DET1: variants seen among roughly 807,000 people sequenced by gnomAD.
DET1 encodes DET1 homolog.
DET1 carries 22 observed loss-of-function variants against 43.7 expected under a neutral mutation model. The ratio of observed to expected loss-of-function variants is 0.50; its 90% CI spans 0.36 to 0.72. The LOEUF (loss-of-function observed/expected upper bound fraction) is 0.72, where lower values mean the gene tolerates loss of function less well. Among genes scored for constraint, DET1 ranks in the 30% least tolerant of loss-of-function variants. The pLI is 0.00. For missense variants in DET1, 713 were observed against 713.3 expected, an observed-to-expected ratio of 1.00 and a Z score of 0.00; for synonymous variants, 315 against 266.2, an observed-to-expected ratio of 1.18 and a Z score of -1.79.
rs1341125968 is a variant in DET1, at chr15:88,527,975, G to T, written c.1084-189C>A. Among the ~76,000 whole-genome samples, 3 of 152,312 alleles carry T rather than the reference G, an allele frequency of 2.0e-5. No homozygotes were observed. The East Asian group carries it at 5.8e-4, about 29-fold the overall frequency. Reference sequence around the variant, plus strand: ...TGGAAACATGGCTCCAAGTGGTTCTGGGAAAATAGGAAGCAACAGTGGGAT... The same window carrying T: ...TGGAAACATGGCTCCAAGTGGTTCTTGGAAAATAGGAAGCAACAGTGGGAT... On this transcript the variant is annotated intron_variant, in intron 2 of 4. Transcript: ENST00000268148.
At chr15:88,512,207 G>T, downstream of DET1, 1 of 299,914 alleles carries the variant, frequency 3.3e-6, no homozygotes, top group Non-Finnish European at 4.9e-6. Flanking sequence ...CCACCTGCAT[G>T]ACACAGATGG....
At chr15:88,511,560 CCCTT>C (rs2056201494), downstream of DET1, 21 of 985,486 alleles carry the variant, frequency 2.1e-5, no homozygotes, top group Non-Finnish European at 2.5e-5. Flanking sequence ...TCTTTTTCTG[CCCTT>C]CCTTCATCTG....
At chr15:88,521,970 G>A (rs920316254) in intron 3 of DET1, among the ~76,000 whole-genome samples, 1 of 151,448 alleles carries the variant, frequency 6.6e-6, no homozygotes, top group Non-Finnish European at 1.5e-5. Flanking sequence ...GATTTGTAGT[G>A]CTTCCTGCTT....
At chr15:88,529,287 A>G (rs578213684) in intron 2 of DET1, among the ~76,000 whole-genome samples, 1 of 152,346 alleles carries the variant, frequency 6.6e-6, no homozygotes, top group Non-Finnish European at 1.5e-5. Flanking sequence ...TTTCACCAGA[A>G]TCTCTCATAA....
At chr15:88,515,106 A>G (rs965223213) in intron 4 of DET1, among the ~76,000 whole-genome samples, 2 of 152,202 alleles carry the variant, frequency 1.3e-5, no homozygotes, top group African/African-American at 4.8e-5. Context: ...ACATATGGGT[A>G]AATAAGAAAT....
At position 88,530,608 on chromosome 15, in the gene DET1, G is replaced by T; in HGVS notation, c.1083+15C>A. On this transcript the variant is annotated intron_variant, in intron 2 of 4. Transcript: ENST00000268148. The stretch of plus-strand genomic sequence containing the variant: ...AGGAGATTAGACAAGTAAAAGGCAG[G>T]AGTGTACCTCATACCTGTGATGGAT... The T allele has an allele frequency of 6.3e-7, 1 of 1,579,184 alleles. No homozygotes were observed. Among genetic ancestry groups the T allele is most frequent in the South Asian group, 1.2e-5 (1 of 84,668 alleles).
Position 88,544,643 on chromosome 15 carries a change from T to A in DET1, c.-11+1897A>T, listed in dbSNP as rs558750856. The stretch of plus-strand genomic sequence containing the variant: ...TTGAAAAGACTTCACACCGTCATCC[T>A]CACGCCAATGGCTCTGAAGGTGGAT... On this transcript the variant is annotated intron_variant, in intron 1 of 4. Transcript: ENST00000268148. Among the ~76,000 whole-genome samples, 15 of 152,286 alleles carry A rather than the reference T, an allele frequency of 9.8e-5. No individual in the cohort carries two copies. The South Asian group carries it at 3.1e-3, about 32-fold the overall frequency.
chr15:88,528,173 C>T (rs2056717712), intron 2 of DET1, among the ~76,000 whole-genome samples: 1 of 152,236 alleles, frequency 6.6e-6, no homozygotes, highest in African/African-American at 2.4e-5. Flanking sequence ...CCAACCCACC[C>T]TGAAATAAAA....
intron 1 of DET1, among the ~76,000 whole-genome samples, chr15:88,534,965 G>A (rs180732628): frequency 6.6e-6 from 1 of 152,308 alleles, no homozygotes; most frequent in East Asian, 1.9e-4. Flanking sequence ...ACAATTGACA[G>A]ACACCAATGT....
chr15:88,541,282 T>C (rs1017808970), intron 1 of DET1, among the ~76,000 whole-genome samples: 3 of 151,828 alleles, frequency 2.0e-5, no homozygotes, highest in Non-Finnish European at 4.4e-5. Flanking sequence ...GCTGACCCTC[T>C]CCGCACAATT....
chr15:88,545,560 CTCA>C (rs1201584861), intron 1 of DET1, among the ~76,000 whole-genome samples: 1 of 152,202 alleles, frequency 6.6e-6, no homozygotes, highest in Non-Finnish European at 1.5e-5. Context: ...TGGACCTCTC[CTCA>C]TCATACTATT....
chr15:88,531,993 C>G lies in DET1; in HGVS notation c.-10-278G>C. On this transcript the variant is annotated intron_variant, in intron 1 of 4. Coordinates refer to ENST00000268148, the MANE Select transcript of DET1 (RefSeq NM_001144074.3). The surrounding 1 kb of genome is among the most constrained non-coding windows in gnomAD (Gnocchi z 6.2). Reference sequence around the variant, plus strand: ...TTCAACAGAAAAAAACCTACAACTACAAATTTGAACAGTATAAGACACATT... The same window carrying G: ...TTCAACAGAAAAAAACCTACAACTAGAAATTTGAACAGTATAAGACACATT... The G allele has an allele frequency of 2.6e-6, 1 of 391,658 alleles. No homozygotes were observed. The highest frequency in any genetic ancestry group is 3.4e-5 in the South Asian group (1 of 29,112). 24.3% of individuals were successfully genotyped at this position (391,658 alleles called of 1,614,324 possible).
intron 3 of DET1, among the ~76,000 whole-genome samples, chr15:88,524,862 T>G (rs1172878051): frequency 1.3e-5 from 2 of 152,174 alleles, no homozygotes; most frequent in Non-Finnish European, 2.9e-5. Context: ...CTTGTTCACA[T>G]GTTTATCTGC....
rs2056121557 is a variant in DET1 at position 88,504,684 on chromosome 15, C to G, written c.*2066-697G>C. 6.6e-6 allele frequency: 1 copy of G among 152,198 alleles called. No homozygotes were observed. The highest frequency in any genetic ancestry group is 2.4e-5 in the African/African-American group (1 of 41,408). The allele number at this position is 152,198 out of a possible 1,614,324, so 9.4% of individuals were successfully genotyped here. ...CACCTTTTTATAGGGCTCTCACACTCAGCCCTAATCACCCCAGGGCCAGGT... is the reference window on the plus strand; with the variant it reads ...CACCTTTTTATAGGGCTCTCACACTGAGCCCTAATCACCCCAGGGCCAGGT... On this transcript the variant is annotated intron_variant and NMD_transcript_variant, in intron 7 of 8. Transcript: ENST00000557842. The surrounding 1 kb of genome is among the most constrained non-coding windows in gnomAD (Gnocchi z 4.7).
intron 1 of DET1, among the ~76,000 whole-genome samples, chr15:88,539,462 A>G (rs1052843686): frequency 2.0e-5 from 3 of 151,958 alleles, no homozygotes; most frequent in Non-Finnish European, 2.9e-5. Flanking sequence ...AAAAAAAAAA[A>G]AAAAAAAAAG....
chr15:88,521,407 C>T (rs544539947), intron 3 of DET1, among the ~76,000 whole-genome samples: 2 of 152,330 alleles, frequency 1.3e-5, no homozygotes, highest in Non-Finnish European at 2.9e-5. Context: ...TTTCCTTGGA[C>T]ACACTTTTCT....
At chr15:88,508,393 T>A (rs2056164125), downstream of DET1, among the ~76,000 whole-genome samples, 1 of 152,198 alleles carries the variant, frequency 6.6e-6, no homozygotes, top group Admixed American at 6.5e-5. Flanking sequence ...TTTCCAATTC[T>A]GTGAGACAAT....
At chr15:88,544,713 C>G (rs1041408317) in intron 1 of DET1, among the ~76,000 whole-genome samples, 4 of 152,184 alleles carry the variant, frequency 2.6e-5, no homozygotes, top group African/African-American at 9.7e-5. Context: ...AAAAGGCCAA[C>G]AGAGCCCTAC....
chr15:88,539,122 TTATTC>T (rs2057028146), intron 1 of DET1, among the ~76,000 whole-genome samples: 1 of 151,670 alleles, frequency 6.6e-6, no homozygotes, highest in Admixed American at 6.6e-5. Context: ...TCTCTTTCTC[TTATTC>T]AAGTTTCTTG....
Sources: allele counts gnomAD v4.1 joint callset (sites outside exome capture counted in the v4.1 genomes callset), GRCh38; gene constraint gnomAD v4.1.1; non-coding constraint Gnocchi (gnomAD v3.1); transcripts MANE v1.5; gene names NCBI Gene and HGNC (gene_info 2026-07-23, HGNC 2026-07-21).